Variants in ROBO2 observed in about 807,000 individuals in gnomAD.
The protein encoded by ROBO2 is roundabout homolog 2.
ROBO2 carries 53 observed loss-of-function variants against 160.8 expected under a neutral mutation model. The ratio of observed to expected loss-of-function variants is 0.33; its 90% CI spans 0.26 to 0.41. The LOEUF is 0.41. ROBO2 is among the 10% of genes least tolerant of loss of function. ROBO2 has a pLI of 1.00. For synonymous variants in ROBO2, 664 were observed against 611.7 expected, an observed-to-expected ratio of 1.09 and a Z score of -1.26; for missense variants, 1,577 against 1,722.4, an observed-to-expected ratio of 0.92 and a Z score of 1.49.
intron 2 of ROBO2, among the ~76,000 whole-genome samples, chr3:76,066,514 C>T (rs2068260166): frequency 6.6e-6 from 1 of 151,702 alleles, no homozygotes; most frequent in African/African-American, 2.4e-5. Flanking sequence ...TAAGTTTTTG[C>T]AAAAACAGAC....
chr3:77,299,542 G>T (rs2062461218), intron 2 of ROBO2, among the ~76,000 whole-genome samples: 1 of 152,250 alleles, frequency 6.6e-6, no homozygotes, highest in East Asian at 1.9e-4. Context: ...GCTGAGCAAA[G>T]GGGAAAAAGC....
chr3:76,720,932 C>T (rs901281893), intron 2 of ROBO2, among the ~76,000 whole-genome samples: 1 of 152,128 alleles, frequency 6.6e-6, no homozygotes, highest in African/African-American at 2.4e-5. Context: ...TTGTCCACTA[C>T]GACACACAAA....
At chr3:77,631,223 C>A (rs2095155555) in intron 23 of ROBO2, 1 of 152,050 alleles carries the variant, frequency 6.6e-6, no homozygotes, top group Non-Finnish European at 1.5e-5. Flanking sequence ...CTTTTAACTT[C>A]TCCGATCATT....
chr3:77,547,920 G>C lies in ROBO2; in HGVS notation c.1059+1458G>C, dbSNP rs185652903. Among the ~76,000 whole-genome samples the C allele has an allele frequency of 3.8e-4, 58 of 151,842 alleles. 2 individuals carry two copies. Among genetic ancestry groups the C allele is most frequent in the Non-Finnish European group, 1.2e-4 (8 of 67,858 alleles). On this transcript the variant is annotated intron_variant, in intron 7 of 25. Transcript: ENST00000461745. ...GTTAGCGTCTCAGACTCTAAAGTAA[G>C]TGTAAGGCAGCATGACAATTAAACA...
At chr3:75,935,431 T>G (rs2106983948) in intron 1 of ROBO2, among the ~76,000 whole-genome samples, 1 of 152,182 alleles carries the variant, frequency 6.6e-6, no homozygotes, top group African/African-American at 2.4e-5. Context: ...AGTATCACTT[T>G]GAGCCTAGGA....
chr3:75,965,576 A>G (rs61242267), intron 2 of ROBO2, among the ~76,000 whole-genome samples: 1,468 of 30,642 alleles, frequency 0.048, 22 homozygotes, highest in African/African-American at 0.093. Context: ...CTTTATCTTC[A>G]TGCAACAGTT....
At chr3:77,098,254 G>A in exon 2 of ROBO2, 3 of 1,614,216 alleles carry the variant, frequency 1.9e-6, no homozygotes, top group Non-Finnish European at 2.5e-6. Context: ...GGGCGCAGGA[G>A]TAAACCTGAT....
chr3:76,935,414 A>G (rs1337813693), intron 2 of ROBO2, among the ~76,000 whole-genome samples: 3 of 152,108 alleles, frequency 2.0e-5, no homozygotes, highest in African/African-American at 7.2e-5. Flanking sequence ...TTGCTAATAC[A>G]TGTTTTCTGT....
At chr3:76,871,326 A>G (rs11924802) in intron 2 of ROBO2, among the ~76,000 whole-genome samples, 88,054 of 151,436 alleles carry the variant, frequency 0.58, 25,924 homozygotes, top group East Asian at 0.62. Flanking sequence ...AGGCCGAGGC[A>G]GGCGGATCAC....
intron 2 of ROBO2, among the ~76,000 whole-genome samples, chr3:77,463,657 T>A (rs1415237780): frequency 6.6e-6 from 1 of 152,104 alleles, no homozygotes; most frequent in Non-Finnish European, 1.5e-5. Context: ...CATGTTTCAC[T>A]GCAGCCTTGA....
intron 2 of ROBO2, among the ~76,000 whole-genome samples, chr3:76,096,147 G>C (rs2069444535): frequency 6.6e-6 from 1 of 152,070 alleles, no homozygotes; most frequent in Non-Finnish European, 1.5e-5. Context: ...CATGTTCTGA[G>C]AATCCTGTGA....
At chr3:76,213,234 T>C (rs4855973) in intron 2 of ROBO2, among the ~76,000 whole-genome samples, 148,507 of 152,166 alleles carry the variant, frequency 0.98, 72,572 homozygotes, top group East Asian at 1. Flanking sequence ...GTACTCGCTT[T>C]CAGACAAATT....
intron 2 of ROBO2, among the ~76,000 whole-genome samples, chr3:77,242,496 T>C (rs565941023): frequency 6.6e-6 from 1 of 152,330 alleles, no homozygotes; most frequent in South Asian, 2.1e-4. Context: ...ATATATTCTC[T>C]TTTGCAGTTT....
intron 2 of ROBO2, among the ~76,000 whole-genome samples, chr3:77,406,381 A>G (rs1311060028): frequency 6.6e-6 from 1 of 152,218 alleles, no homozygotes; most frequent in East Asian, 1.9e-4. Context: ...TTGTGTTGTG[A>G]TGCTATCTTA....
chr3:77,252,832 ATATAT>A (rs1378259995), intron 2 of ROBO2, among the ~76,000 whole-genome samples: 37 of 26,252 alleles, frequency 1.4e-3, no homozygotes, highest in South Asian at 0.012. Context: ...AAAAAAAAAA[ATATAT>A]ATATATATAT....
intron 14 of ROBO2, 38 bp from the exon 16 acceptor site, chr3:77,577,452 C>T (rs200722239): frequency 6.2e-7 from 1 of 1,612,804 alleles, no homozygotes; most frequent in Non-Finnish European, 8.5e-7. Context: ...CACACCAAGG[C>T]TTATAGTTTG....
At chr3:77,367,958 C>G (rs969398201) in intron 2 of ROBO2, among the ~76,000 whole-genome samples, 5 of 152,142 alleles carry the variant, frequency 3.3e-5, no homozygotes, top group African/African-American at 1.2e-4. Context: ...TTTCTTCCAT[C>G]TAAGAATTTT....
chr3:77,390,540 T>C (rs1190913777), intron 2 of ROBO2, among the ~76,000 whole-genome samples: 3 of 152,116 alleles, frequency 2.0e-5, no homozygotes, highest in Non-Finnish European at 4.4e-5. Flanking sequence ...ATATAAGGTA[T>C]CCCTTGCTCT....
intron 2 of ROBO2, among the ~76,000 whole-genome samples, chr3:76,967,345 A>T (rs2059350933): frequency 6.6e-6 from 1 of 151,226 alleles, no homozygotes; most frequent in Non-Finnish European, 1.5e-5. Context: ...AGCTGGGATT[A>T]CAGACATGTG....
Sources: gnomAD v4.1 joint callset for allele counts (sites outside exome capture counted in the v4.1 genomes callset) on GRCh38, gnomAD v4.1.1 for gene constraint, MANE v1.5 for transcripts, NCBI Gene and HGNC (gene_info 2026-07-23, HGNC 2026-07-21) for gene names.